The following TRIM44 variants were observed in gnomAD, a reference collection of about 807,000 sequenced individuals.
The protein encoded by TRIM44 is tripartite motif-containing protein 44.
Under a neutral mutation model 37.4 loss-of-function variants are expected in TRIM44, and 13 were observed. That is an observed-to-expected ratio of 0.35 (90% confidence interval 0.23 to 0.55). TRIM44 has a LOEUF of 0.55. Among genes scored for constraint, TRIM44 ranks in the 20% least tolerant of loss-of-function variants. TRIM44 has a pLI of 0.89. For missense variants in TRIM44, 426 were observed against 437.2 expected (o/e 0.97, Z 0.23); for synonymous variants, 175 against 157.2 (o/e 1.11, Z -0.85).
chr11:35,727,853 G>T (rs1852201346), intron 3 of TRIM44, among the ~76,000 whole-genome samples: 1 of 152,162 alleles, frequency 6.6e-6, no homozygotes. Context: ...AAGAATCCAT[G>T]TTCTAGACAG....
At chr11:35,740,067 C>G in intron 4 of TRIM44, among the ~76,000 whole-genome samples, 1 of 144,056 alleles carries the variant, frequency 6.9e-6, no homozygotes, top group East Asian at 2.0e-4. Flanking sequence ...CCACTGCAGT[C>G]CAGCCTGGTG....
intron 4 of TRIM44, among the ~76,000 whole-genome samples, chr11:35,749,893 A>C (rs934841233): frequency 5.9e-5 from 9 of 152,246 alleles, no homozygotes; most frequent in African/African-American, 2.2e-4. Flanking sequence ...TATTTCAAGA[A>C]GATCTCATTA....
At chr11:35,776,756 T>A (rs1852971057) in intron 4 of TRIM44, among the ~76,000 whole-genome samples, 1 of 152,218 alleles carries the variant, frequency 6.6e-6, no homozygotes. Context: ...TCCATATAGT[T>A]GAGTGGTTTT....
chr11:35,706,631 C>G (rs1851887169), intron 2 of TRIM44, among the ~76,000 whole-genome samples: 1 of 152,130 alleles, frequency 6.6e-6, no homozygotes, highest in Admixed American at 6.5e-5. Flanking sequence ...TAAATGTAAT[C>G]TAGCATATAA....
intron 1 of TRIM44, among the ~76,000 whole-genome samples, chr11:35,667,952 A>C (rs1851350262): frequency 1.3e-5 from 2 of 152,090 alleles, no homozygotes; most frequent in Non-Finnish European, 2.9e-5. Flanking sequence ...GGATTTTGCT[A>C]TCAAAGTTTG....
chr11:35,743,030 G>C (rs1053529728), intron 4 of TRIM44, among the ~76,000 whole-genome samples: 1 of 151,804 alleles, frequency 6.6e-6, no homozygotes, highest in African/African-American at 2.4e-5. Context: ...TGTAGAGTAG[G>C]TTCCAACTAA....
intron 4 of TRIM44, among the ~76,000 whole-genome samples, chr11:35,786,156 C>G (rs1347604801): frequency 2.6e-5 from 4 of 152,014 alleles, no homozygotes; most frequent in Non-Finnish European, 5.9e-5. Context: ...AAAATATTAC[C>G]CTTGTGCCCA....
intron 2 of TRIM44, among the ~76,000 whole-genome samples, chr11:35,698,049 A>G (rs1851729762): frequency 6.6e-6 from 1 of 151,434 alleles, no homozygotes; most frequent in Non-Finnish European, 1.5e-5. Context: ...ACAGTGGTTG[A>G]ACTAGTTTAC....
chr11:35,784,700 C>T (rs1853107564), intron 4 of TRIM44, among the ~76,000 whole-genome samples: 1 of 152,164 alleles, frequency 6.6e-6, no homozygotes. Flanking sequence ...GCCTCTAACA[C>T]AAAAGGGCAA....
rs542099529 is a variant in TRIM44, at chr11:35,689,192, C to T, written c.747+3856C>T. 3.9e-5 allele frequency among the ~76,000 whole-genome samples: 6 copies of T among 152,196 alleles called. No homozygotes were observed. The South Asian group carries it at 1.2e-3, about 32-fold the overall frequency. ...TTAGGAGGATGATCAAAGCTCCCTG[C>T]CATGGTTGAGGTGTAGGCTGAGTTC... On this transcript the variant is annotated intron_variant, in intron 2 of 4. Coordinates refer to ENST00000299413, the MANE Select transcript of TRIM44 (RefSeq NM_017583.6).
chr11:35,786,203 AGTCTTT>A, intron 4 of TRIM44, among the ~76,000 whole-genome samples: 1 of 152,224 alleles, frequency 6.6e-6, no homozygotes, highest in South Asian at 2.1e-4. Flanking sequence ...GTTTCTCTTT[AGTCTTT>A]AGTAGCATTC....
chr11:35,663,207 G>C lies in TRIM44; in HGVS notation c.96G>C (p.Val32=). 6.2e-7 allele frequency: 1 copy of C among 1,601,150 alleles called. No individual in the cohort carries two copies. The highest frequency in any genetic ancestry group is 8.5e-7 in the Non-Finnish European group (1 of 1,172,642). The change falls in exon 1 of 5, where the codon GTG becomes GTC. Residue 32 remains valine (V), a synonymous_variant. Coordinates refer to ENST00000299413, the MANE Select transcript of TRIM44 (RefSeq NM_017583.6). ...ACGAGGCTCCGGGGGCCGAGGAAGT[G>C]TGCCGAGAATGCGGCTTCTGCTACT... ...EPDEAPGAEE[V]CRECGFCYCR...
Position 35,750,277 on chromosome 11 carries a change from A to T in TRIM44, c.1007+14832A>T, listed in dbSNP as rs1262379802. Among the ~76,000 whole-genome samples the T allele has an allele frequency of 2.0e-5, 3 of 152,186 alleles. No individual in the cohort carries two copies. The East Asian group carries it at 5.8e-4, about 29-fold the overall frequency. On this transcript the variant is annotated intron_variant, in intron 4 of 4. Transcript: ENST00000299413. The stretch of plus-strand genomic sequence containing the variant: ...CCACATTGTGAATGGTCTCTCCTCC[A>T]CATTTGAGGGGCATATATTTATTCT...
chr11:35,765,195 C>T (rs117482906), intron 4 of TRIM44, among the ~76,000 whole-genome samples: 2,364 of 152,176 alleles, frequency 0.016, 23 homozygotes, highest in Non-Finnish European at 0.024. Context: ...AGACAGAGCT[C>T]ATGGGCCTTG....
At chr11:35,805,281 T>C (rs923274333) in intron 4 of TRIM44, among the ~76,000 whole-genome samples, 1 of 152,192 alleles carries the variant, frequency 6.6e-6, no homozygotes, top group African/African-American at 2.4e-5. Context: ...AGCTGGCTCT[T>C]GTTACTATTT....
intron 4 of TRIM44, among the ~76,000 whole-genome samples, chr11:35,757,077 A>G (rs1338917000): frequency 6.6e-6 from 1 of 152,178 alleles, no homozygotes; most frequent in South Asian, 2.1e-4. Flanking sequence ...TTTCAGAAGG[A>G]ATGGTACCAG....
intron 3 of TRIM44, among the ~76,000 whole-genome samples, chr11:35,727,368 G>A (rs1282560312): frequency 6.6e-6 from 1 of 152,120 alleles, no homozygotes; most frequent in Non-Finnish European, 1.5e-5. Flanking sequence ...TCCTGCCTTG[G>A]CTTGAGAGAG....
At chr11:35,703,318 C>T (rs191130433) in intron 2 of TRIM44, among the ~76,000 whole-genome samples, 1,643 of 152,356 alleles carry the variant, frequency 0.011, 33 homozygotes, top group African/African-American at 0.037. Flanking sequence ...TAGGCTCCAC[C>T]TGTGGGGGCG....
chr11:35,776,049 A>C (rs1852954895), intron 4 of TRIM44, among the ~76,000 whole-genome samples: 1 of 151,682 alleles, frequency 6.6e-6, no homozygotes, highest in South Asian at 2.1e-4. Flanking sequence ...GGACTGGTAC[A>C]GCTCCCCTTT....
Sources: allele counts gnomAD v4.1 joint callset (sites outside exome capture counted in the v4.1 genomes callset), GRCh38; gene constraint gnomAD v4.1.1; transcripts MANE v1.5; gene names NCBI Gene and HGNC (gene_info 2026-07-23, HGNC 2026-07-21).